FBXO25: variants seen among roughly 807,000 people sequenced by gnomAD.
FBXO25 encodes F-box protein 25, also known as F-box only protein 25.
A neutral mutation model predicts 51.9 loss-of-function variants in FBXO25; 45 were observed. The observed-to-expected ratio is 0.87, with a 90% CI of 0.68 to 1.11. The LOEUF is 1.11. FBXO25 is among the 50% of genes most tolerant of loss of function. The pLI, the probability that FBXO25 is intolerant of heterozygous loss-of-function variation, is 0.00. For missense variants in FBXO25, 507 were observed against 428.5 expected, an observed-to-expected ratio of 1.18 and a Z score of -1.62; for synonymous variants, 199 against 151.0, an observed-to-expected ratio of 1.32 and a Z score of -2.33.
Position 469,052 on chromosome 8 carries a change from C to T in FBXO25, c.*248C>T, listed in dbSNP as rs189579155. On this transcript the variant is annotated 3_prime_UTR_variant, in exon 10 of 10. Coordinates refer to ENST00000350302, the MANE Select transcript of FBXO25 (RefSeq NM_183420.2). ...AAGCATATTAAAATGTGAAATTTTG[C>T]GTACTCTCTCTCTCTATATATATAG... 4.6e-3 allele frequency: 2,090 copies of T among 454,066 alleles called. 76 individuals carry two copies. In the East Asian group the frequency reaches 0.064, roughly 14 times the overall value. The allele number at this position is 454,066 out of a possible 1,614,324, so 28.1% of individuals were successfully genotyped here. A position where few individuals can be genotyped will look rare whatever the true frequency, so the allele number is the denominator to read the frequency against.
At chr8:451,502 A>G (rs376146740) in intron 7 of FBXO25, 49 bp downstream of exon 7, 56 of 1,533,554 alleles carry the variant, frequency 3.7e-5, no homozygotes, top group South Asian at 4.8e-5. Context: ...TTTATATTAC[A>G]GAAGTTATCT....
In FBXO25 at chr8:413,207, A is replaced by G. The variant is rs773243949; in HGVS notation, c.128A>G (p.His43Arg). 1.3e-6 allele frequency: 2 copies of G among 1,591,026 alleles called. No individual in the cohort carries two copies. Among genetic ancestry groups the G allele is most frequent in the African/African-American group, 2.7e-5 (2 of 73,006 alleles). Residue 43 changes from histidine (H) to arginine (R), a missense_variant, in exon 2 of 10, where the codon CAC (histidine) becomes CGC (arginine). Physicochemically the swap from His to Arg is conservative, Grantham distance 29 (BLOSUM62 0). Coordinates refer to ENST00000350302, the MANE Select transcript of FBXO25 (RefSeq NM_183420.2). ...ERENNRCNISHSIILNSEDGE... is the reference protein window; with the variant it reads ...ERENNRCNISRSIILNSEDGE... ...GAGAATAACCGTTGTAACATCAGTC[A>G]CAGCATGTAAGTTACAGCTGAGCAG... is the stretch of plus-strand genomic sequence containing the variant.
chr8:455,546 C>G (rs1585086121), intron 7 of FBXO25, among the ~76,000 whole-genome samples: 1 of 152,162 alleles, frequency 6.6e-6, no homozygotes, highest in Non-Finnish European at 1.5e-5. Flanking sequence ...GGACCTCGAT[C>G]TTGGGCAAGC....
intron 5 of FBXO25, among the ~76,000 whole-genome samples, chr8:445,590 C>T (rs761656520): frequency 1.3e-5 from 2 of 152,228 alleles, no homozygotes; most frequent in Non-Finnish European, 2.9e-5. Flanking sequence ...CAGTGGCTCA[C>T]GCCTATAATC....
chr8:454,436 A>G (rs1799287795), intron 7 of FBXO25, among the ~76,000 whole-genome samples: 1 of 152,178 alleles, frequency 6.6e-6, no homozygotes, highest in Non-Finnish European at 1.5e-5. Context: ...ATGAGGTGGG[A>G]CACATGGATC....
At chr8:420,132 G>A (rs533197447) in intron 2 of FBXO25, among the ~76,000 whole-genome samples, 2 of 152,148 alleles carry the variant, frequency 1.3e-5, no homozygotes, top group Non-Finnish European at 1.5e-5. Flanking sequence ...TTTGGGGCAA[G>A]CAGCTGACCA....
chr8:426,612 C>T (rs1203188847), intron 2 of FBXO25, among the ~76,000 whole-genome samples: 1 of 151,942 alleles, frequency 6.6e-6, no homozygotes, highest in Non-Finnish European at 1.5e-5. Context: ...GTTTTGTGTA[C>T]CCTGTGCACA....
chr8:457,027 G>C (rs576409486), intron 7 of FBXO25, among the ~76,000 whole-genome samples: 4 of 140,962 alleles, frequency 2.8e-5, no homozygotes, highest in African/African-American at 1.3e-4. Context: ...TGCTTTGTGT[G>C]CAGTAGGATT....
intron 9 of FBXO25, among the ~76,000 whole-genome samples, chr8:463,846 C>G (rs1021099853): frequency 6.6e-6 from 1 of 152,158 alleles, no homozygotes; most frequent in African/African-American, 2.4e-5. Flanking sequence ...TAGGGTCTCG[C>G]TCTGTCACCC....
intron 4 of FBXO25, among the ~76,000 whole-genome samples, chr8:435,254 T>G (rs1282113970): frequency 1.3e-5 from 2 of 152,120 alleles, no homozygotes; most frequent in Non-Finnish European, 2.9e-5. Flanking sequence ...TTTATGTATT[T>G]TTAGTTGCGT....
At chr8:462,917 A>C (rs1799909531) in intron 8 of FBXO25, 90 bp from the exon 9 acceptor site, 1 of 1,449,080 alleles carries the variant, frequency 6.9e-7, no homozygotes, top group Non-Finnish European at 9.3e-7. Flanking sequence ...AAGAAATTAA[A>C]AACTAAAATA....
Position 475,451 on chromosome 8 carries a change from G to C in FBXO25, c.*6647G>C, listed in dbSNP as rs905499713. The stretch of plus-strand genomic sequence containing the variant: ...TCTTGAGATTCCATATGAGTTTCAG[G>C]ATGGAAAAAAAAAAGCCACTGGGAT... On this transcript the variant is annotated 3_prime_UTR_variant, in exon 10 of 10. Transcript: ENST00000350302. 6.6e-6 allele frequency: 1 copy of C among 152,408 alleles called. No individual in the cohort carries two copies. Among genetic ancestry groups the C allele is most frequent in the Middle Eastern group, 3.4e-3 (1 of 294 alleles). The allele number at this position is 152,408 out of a possible 1,614,324, so 9.4% of individuals were successfully genotyped here.
chr8:411,095 A>G (rs1252446791), intron 1 of FBXO25, among the ~76,000 whole-genome samples: 3 of 152,172 alleles, frequency 2.0e-5, no homozygotes, highest in Non-Finnish European at 4.4e-5. Flanking sequence ...TCCATGATGT[A>G]AATATTCTAC....
chr8:436,928 G>C (rs779901282), intron 5 of FBXO25, among the ~76,000 whole-genome samples: 1 of 152,182 alleles, frequency 6.6e-6, no homozygotes, highest in Non-Finnish European at 1.5e-5. Flanking sequence ...GGTGGTTTCT[G>C]TGCTGGGTGC....
intron 1 of FBXO25, among the ~76,000 whole-genome samples, chr8:412,789 C>A (rs1196723742): frequency 6.6e-6 from 1 of 152,174 alleles, no homozygotes; most frequent in East Asian, 1.9e-4. Flanking sequence ...CACTCCCTGA[C>A]CCCTGCTTGT....
intron 5 of FBXO25, among the ~76,000 whole-genome samples, chr8:446,449 A>T (rs572539640): frequency 1.8e-4 from 28 of 152,344 alleles, no homozygotes; most frequent in African/African-American, 5.8e-4. Context: ...GGCTGGCTTC[A>T]TCTCAGTCTA....
At position 451,085 on chromosome 8, in the gene FBXO25, T is replaced by G. The variant is rs889383184; in HGVS notation, c.476-184T>G. 5.5e-6 allele frequency: 3 copies of G among 545,884 alleles called. No homozygotes were observed. The African/African-American group carries it at 5.8e-5, about 11-fold the overall frequency. 33.8% of individuals were successfully genotyped at this position (545,884 alleles called of 1,614,324 possible). Reference sequence around the variant, plus strand: ...CTTTGCATAATGTCTTCAGGGTTCATCCATGCTGAATATGTGTGAGAATTT... The same window carrying G: ...CTTTGCATAATGTCTTCAGGGTTCAGCCATGCTGAATATGTGTGAGAATTT... On this transcript the variant is annotated intron_variant, in intron 6 of 9. Transcript: ENST00000350302.
chr8:439,594 G>C (rs1403419211), intron 5 of FBXO25, among the ~76,000 whole-genome samples: 2 of 152,114 alleles, frequency 1.3e-5, no homozygotes, highest in Admixed American at 1.3e-4. Context: ...TTATTTTTAT[G>C]TTTTCATTTG....
At chr8:455,967 T>A (rs1799399176) in intron 7 of FBXO25, among the ~76,000 whole-genome samples, 1 of 152,224 alleles carries the variant, frequency 6.6e-6, no homozygotes, top group Non-Finnish European at 1.5e-5. Flanking sequence ...AATGCTGAGT[T>A]GTCACACCAG....
Sources: allele counts gnomAD v4.1 joint callset (sites outside exome capture counted in the v4.1 genomes callset), GRCh38; gene constraint gnomAD v4.1.1; transcripts MANE v1.5; gene names NCBI Gene and HGNC (gene_info 2026-07-23, HGNC 2026-07-21).